SLC25A28: variants seen among roughly 807,000 people sequenced by gnomAD.
SLC25A28 encodes solute carrier family 25 member 28.
Under a neutral mutation model 31.9 loss-of-function variants are expected in SLC25A28, and 10 were observed. The ratio of observed to expected loss-of-function variants is 0.31; its 90% confidence interval spans 0.19 to 0.53. SLC25A28 has a LOEUF of 0.53. SLC25A28 is among the 20% of genes least tolerant of loss of function. The probability of loss-of-function intolerance (pLI) is 0.95; values close to 1 mark genes in which losing one functional copy is unlikely to be tolerated. For missense variants in SLC25A28, 256 were observed against 490.3 expected (o/e 0.52, Z 4.51); for synonymous variants, 208 against 203.6 (o/e 1.02, Z -0.19).
At chr10:99,618,826 C>T (rs2034717488) in intron 1 of SLC25A28, 1 of 985,392 alleles carries the variant, frequency 1.0e-6, no homozygotes. Context: ...GTACTGGAAC[C>T]AAAGGGAAGT....
chr10:99,624,822 G>A (rs565338913), upstream of SLC25A28, among the ~76,000 whole-genome samples: 53 of 152,128 alleles, frequency 3.5e-4, no homozygotes, highest in Non-Finnish European at 7.3e-4. Flanking sequence ...GTGATAGAGT[G>A]AGACCCTATC....
chr10:99,630,138 TTTCTC>T, the SLC25A28 span, among the ~76,000 whole-genome samples: 1 of 152,080 alleles, frequency 6.6e-6, no homozygotes, highest in Non-Finnish European at 1.5e-5. Context: ...AACTTTTTCT[TTTCTC>T]TTTGAGACGG....
upstream of SLC25A28, chr10:99,621,001 C>T (rs911218651): frequency 5.1e-6 from 5 of 984,162 alleles, no homozygotes; most frequent in African/African-American, 8.7e-5. Flanking sequence ...AGCGGGCGGC[C>T]CTGGCCCCGG....
chr10:99,658,782 T>C, the SLC25A28 span, among the ~76,000 whole-genome samples: 1 of 151,978 alleles, frequency 6.6e-6, no homozygotes, highest in African/African-American at 2.4e-5. Context: ...CTCCTGGAAA[T>C]GAGATAACGG....
At chr10:99,616,721 A>T in intron 1 of SLC25A28, 1 of 985,420 alleles carries the variant, frequency 1.0e-6, no homozygotes, top group Non-Finnish European at 1.2e-6. Context: ...GCTTTTGGGA[A>T]GCTATATGGA....
upstream of SLC25A28, among the ~76,000 whole-genome samples, chr10:99,623,518 A>G (rs1355644581): frequency 6.6e-6 from 1 of 152,086 alleles, no homozygotes; most frequent in Non-Finnish European, 1.5e-5. Flanking sequence ...TTTCCTTCGT[A>G]TTGATATACT....
chr10:99,630,660 C>T, the SLC25A28 span, among the ~76,000 whole-genome samples: 5 of 152,158 alleles, frequency 3.3e-5, no homozygotes, highest in Admixed American at 2.6e-4. Flanking sequence ...ATAGTGCTAG[C>T]CAATTCATTT....
chr10:99,613,665 G>A lies in SLC25A28; in HGVS notation c.520+31C>T. On this transcript the variant is annotated intron_variant, in intron 2 of 3. Coordinates refer to ENST00000370495, the MANE Select transcript of SLC25A28 (RefSeq NM_031212.4). The surrounding 1 kb of genome is among the most constrained non-coding windows in gnomAD (Gnocchi z 4.9). The stretch of plus-strand genomic sequence containing the variant: ...CAGCAAAGCCCAAAGAGTTGGGAAA[G>A]TGGGGGAACCAGCACAGGAAGGCTC... The A allele has an allele frequency of 6.2e-7, 1 of 1,614,118 alleles. No homozygotes were observed. The highest frequency in any genetic ancestry group is 1.3e-5 in the African/African-American group (1 of 75,062).
At chr10:99,624,380 G>T (rs2034846929), upstream of SLC25A28, among the ~76,000 whole-genome samples, 1 of 151,998 alleles carries the variant, frequency 6.6e-6, no homozygotes, top group Non-Finnish European at 1.5e-5. Context: ...ACAGGTGTGA[G>T]CCACCACGCC....
chr10:99,650,676 T>A, the SLC25A28 span, among the ~76,000 whole-genome samples: 2 of 152,062 alleles, frequency 1.3e-5, no homozygotes, highest in African/African-American at 4.8e-5. Context: ...GCAGTGGTAT[T>A]GTCTTAGATA....
upstream of SLC25A28, among the ~76,000 whole-genome samples, chr10:99,624,167 CCTTCCTTCCTTTTTTT>C (rs1296229355): frequency 4.8e-5 from 7 of 145,374 alleles, no homozygotes; most frequent in East Asian, 1.2e-3. Flanking sequence ...CTTCCTTTCT[CCTTCCTTCCTTTTTTT>C]CTTCCTTCCT....
intron 2 of SLC25A28, 170 bp from the exon 3 acceptor site, chr10:99,612,769 T>A: frequency 1.4e-6 from 1 of 707,430 alleles, no homozygotes; most frequent in Non-Finnish European, 2.5e-6. Context: ...TTTAAGAAGG[T>A]AAAGTATCTG....
chr10:99,611,855 T>C lies in SLC25A28; in HGVS notation c.578-489A>G, dbSNP rs946438343. 2.0e-5 allele frequency among the ~76,000 whole-genome samples: 3 copies of C among 152,194 alleles called. No homozygotes were observed. Among genetic ancestry groups the C allele is most frequent in the Non-Finnish European group, 4.4e-5 (3 of 68,036 alleles). On this transcript the variant is annotated intron_variant, in intron 3 of 3. Coordinates refer to ENST00000370495, the MANE Select transcript of SLC25A28 (RefSeq NM_031212.4). This position sits in a 1 kb window ranked among gnomAD's most constrained non-coding sequence, Gnocchi z 5.5. ...AGAAGTTCTACCAAAGAAAAGATTCTTAGCCAAAAAGAGTTGGCTTTAGTC... is the reference window on the plus strand; with the variant it reads ...AGAAGTTCTACCAAAGAAAAGATTCCTAGCCAAAAAGAGTTGGCTTTAGTC...
chr10:99,649,460 C>T, the SLC25A28 span, among the ~76,000 whole-genome samples: 1 of 152,108 alleles, frequency 6.6e-6, no homozygotes, highest in East Asian at 1.9e-4. Context: ...ATGATACTGG[C>T]CTTGTAGAAT....
At chr10:99,642,961 G>C in the SLC25A28 span, among the ~76,000 whole-genome samples, 1 of 152,036 alleles carries the variant, frequency 6.6e-6, no homozygotes, top group Non-Finnish European at 1.5e-5. Flanking sequence ...TGCTGGATTC[G>C]GTTTGCCAGT....
At chr10:99,621,625 C>T (rs561585913), upstream of SLC25A28, 4 of 152,432 alleles carry the variant, frequency 2.6e-5, no homozygotes, top group African/African-American at 9.6e-5. Flanking sequence ...ACCTCCTGCT[C>T]TAGGGAGCAC....
At position 99,613,964 on chromosome 10, in the gene SLC25A28, C is replaced by A. The variant is rs1220464308; in HGVS notation, c.292-40G>T. 6.5e-7 allele frequency: 1 copy of A among 1,531,756 alleles called. No individual in the cohort carries two copies. Among genetic ancestry groups the A allele is most frequent in the Non-Finnish European group, 8.8e-7 (1 of 1,137,460 alleles). The allele number at this position is 1,531,756 out of a possible 1,614,324, so 94.9% of individuals were successfully genotyped here. ...AGGAGAAGCGCAATGTCAGCAATGC[C>A]AACTTCTCGCCCCACCTCAACACAC... On this transcript the variant is annotated intron_variant, in intron 1 of 3. Coordinates refer to ENST00000370495, the MANE Select transcript of SLC25A28 (RefSeq NM_031212.4). This position sits in a 1 kb window ranked among gnomAD's most constrained non-coding sequence, Gnocchi z 4.9.
At position 99,620,356 on chromosome 10, in the gene SLC25A28, G is replaced by T; in HGVS notation, c.-21C>A. The T allele has an allele frequency of 2.8e-6, 3 of 1,083,608 alleles. No homozygotes were observed. Among genetic ancestry groups the T allele is most frequent in the Non-Finnish European group, 3.3e-6 (3 of 896,590 alleles). The allele number at this position is 1,083,608 out of a possible 1,614,324, so 67.1% of individuals were successfully genotyped here. ...TCCATCCACCCGGGCCAGCTGCGGCGCCCACCCCCGCCGCCGCTGCCACCA... is the reference window on the plus strand; with the variant it reads ...TCCATCCACCCGGGCCAGCTGCGGCTCCCACCCCCGCCGCCGCTGCCACCA... On this transcript the variant is annotated 5_prime_UTR_variant, in exon 1 of 4. Transcript: ENST00000370495.
the SLC25A28 span, among the ~76,000 whole-genome samples, chr10:99,634,709 G>A: frequency 6.6e-6 from 1 of 152,186 alleles, no homozygotes; most frequent in Non-Finnish European, 1.5e-5. Flanking sequence ...TAAAAGTTTG[G>A]AAAACATATT....
Sources: gnomAD v4.1 joint callset for allele counts (sites outside exome capture counted in the v4.1 genomes callset) on GRCh38, gnomAD v4.1.1 for gene constraint, Gnocchi (gnomAD v3.1) non-coding constraint, MANE v1.5 for transcripts, NCBI Gene and HGNC (gene_info 2026-07-23, HGNC 2026-07-21) for gene names.